Variants in DNAH3 observed in about 807,000 individuals in gnomAD.
DNAH3 encodes axonemal beta dynein heavy chain 3.
A neutral mutation model predicts 432.5 loss-of-function variants in DNAH3; 332 were observed. That is an observed-to-expected ratio of 0.77 (90% CI 0.70 to 0.84). The LOEUF is 0.84. Among genes scored for constraint, DNAH3 ranks in the 40% least tolerant of loss-of-function variants. DNAH3 has a pLI of 0.00. For synonymous variants in DNAH3, 1,956 were observed against 1,900.2 expected (o/e 1.03, Z -0.76); for missense variants, 4,861 against 5,114.0 (o/e 0.95, Z 1.51).
intron 14 of DNAH3, among the ~76,000 whole-genome samples, chr16:21,109,006 C>T (rs564285164): frequency 1.3e-5 from 2 of 151,632 alleles, no homozygotes; most frequent in African/African-American, 4.8e-5. Flanking sequence ...ACCTGTAATC[C>T]CAGCTACTCA....
chr16:20,979,579 C>T, intron 49 of DNAH3, 33 bp from the exon 50 acceptor site: 1 of 1,590,142 alleles, frequency 6.3e-7, no homozygotes, highest in Non-Finnish European at 8.6e-7. Context: ...TAGGCAGGAC[C>T]CAACATCTTC....
Position 21,145,988 on chromosome 16 carries a change from TAG to T in DNAH3, c.216_217del (p.Tyr73SerfsTer35). ...CTGGCAGCCAGGTGTGCATACCTGA[TAG>T]AGTCCAGACGGTTCCTCATTAGCAG... is the stretch of plus-strand genomic sequence containing the variant. On this transcript the variant is annotated frameshift_variant, in exon 2 of 62. Transcript: ENST00000261383. LOFTEE classifies it high-confidence loss of function. 1 of 1,607,186 alleles carries T rather than the reference TAG, an allele frequency of 6.2e-7. No individual in the cohort carries two copies.
At chr16:20,972,739 A>ATTTTTTTTTTTTTTTTTTTTTTTTT (rs34245316) in intron 51 of DNAH3, among the ~76,000 whole-genome samples, 6 of 95,974 alleles carry the variant, frequency 6.3e-5, no homozygotes, top group African/African-American at 9.3e-5. Flanking sequence ...ATGCCCCGTG[A>ATTTTTTTTTTTTTTTTTTTTTTTTT]TTTTTTTTTT....
intron 25 of DNAH3, among the ~76,000 whole-genome samples, chr16:21,061,436 C>G (rs2090356880): frequency 6.6e-6 from 1 of 151,746 alleles, no homozygotes; most frequent in Non-Finnish European, 1.5e-5. Context: ...GTTGGCCAGG[C>G]TGGTCTCAAA....
chr16:21,099,644 T>C (rs2091785833), intron 16 of DNAH3, among the ~76,000 whole-genome samples: 1 of 152,162 alleles, frequency 6.6e-6, no homozygotes, highest in African/African-American at 2.4e-5. Flanking sequence ...TTAAACTCTC[T>C]GTGCCTCGGG....
chr16:21,019,785 A>G, exon 41 of DNAH3: 1 of 1,614,158 alleles, frequency 6.2e-7, no homozygotes, highest in South Asian at 1.1e-5. Context: ...AAAGAGAAAC[A>G]GTCCTTGGAG....
intron 17 of DNAH3, among the ~76,000 whole-genome samples, chr16:21,097,796 T>A (rs1437633143): frequency 6.6e-6 from 1 of 152,210 alleles, no homozygotes; most frequent in Non-Finnish European, 1.5e-5. Context: ...TTTTCATATG[T>A]ACTTTAGCTA....
intron 40 of DNAH3, among the ~76,000 whole-genome samples, chr16:21,020,684 G>A (rs1014957815): frequency 1.5e-4 from 23 of 151,704 alleles, no homozygotes; most frequent in African/African-American, 4.1e-4. Context: ...AATTACAAGC[G>A]TGAGAGACCG....
intron 11 of DNAH3, chr16:21,120,682 G>A (rs1018121793): frequency 1.5e-5 from 20 of 1,379,062 alleles, no homozygotes; most frequent in Non-Finnish European, 2.1e-5. Context: ...TTCAAACCTG[G>A]TACAAACCAT....
chr16:20,966,014 ATTTTTTT>A lies in DNAH3; in HGVS notation c.8459-596_8459-590del, dbSNP rs555983378. On this transcript the variant is annotated intron_variant, in intron 52 of 61. Coordinates refer to ENST00000261383, the Ensembl canonical transcript of DNAH3. ...AGGCCTGAGCCACCATGCCCAGCCA[ATTTTTTT>A]TTTTTTTTTTTTTTTTTTTTTTTTT... Among the ~76,000 whole-genome samples, 122 of 48,368 alleles carry A rather than the reference ATTTTTTT, an allele frequency of 2.5e-3. 8 individuals carry two copies. The highest frequency in any genetic ancestry group is 0.019 in the East Asian group (42 of 2,190). The allele number at this position is 48,368 out of a possible 152,430, so 31.7% of individuals were successfully genotyped here.
intron 56 of DNAH3, among the ~76,000 whole-genome samples, chr16:20,949,594 T>C (rs978646767): frequency 1.3e-5 from 2 of 152,200 alleles, no homozygotes; most frequent in African/African-American, 2.4e-5. Context: ...TTGGAACATA[T>C]CCCTGGTGGA....
intron 5 of DNAH3, among the ~76,000 whole-genome samples, chr16:21,137,669 C>T (rs1233950030): frequency 2.6e-5 from 4 of 151,972 alleles, no homozygotes; most frequent in African/African-American, 9.7e-5. Flanking sequence ...GTGATCCACC[C>T]ACCTTGGCCT....
chr16:20,954,291 CTTTTT>C (rs1190060999), intron 55 of DNAH3, among the ~76,000 whole-genome samples: 1 of 127,826 alleles, frequency 7.8e-6, no homozygotes, highest in Non-Finnish European at 1.7e-5. Context: ...TACCTATAGA[CTTTTT>C]TTTTTTTTTT....
chr16:21,027,114 C>T, exon 38 of DNAH3: 1 of 1,613,532 alleles, frequency 6.2e-7, no homozygotes, highest in Non-Finnish European at 8.5e-7. Context: ...AATTTCCCCA[C>T]TCATGAGACA....
rs1174917069 is a variant in DNAH3, at chr16:21,110,029, A to G, written c.2099+1597T>C. On this transcript the variant is annotated intron_variant, in intron 14 of 61. Transcript: ENST00000261383. ...AAAGTAAACCCAATCTCATGTTGGG[A>G]CTATAGACGTCAGCCATGGCACCTG... 2.6e-5 allele frequency among the ~76,000 whole-genome samples: 4 copies of G among 152,210 alleles called. No individual in the cohort carries two copies. The East Asian group carries it at 5.8e-4, about 22-fold the overall frequency.
exon 46 of DNAH3, chr16:20,987,792 G>A: frequency 6.2e-7 from 1 of 1,614,142 alleles, no homozygotes; most frequent in Non-Finnish European, 8.5e-7. Context: ...TTGGCAAGAA[G>A]TTCTCCACTG....
intron 12 of DNAH3, among the ~76,000 whole-genome samples, chr16:21,115,151 T>C (rs955754030): frequency 4.6e-5 from 7 of 151,816 alleles, no homozygotes; most frequent in African/African-American, 1.7e-4. Flanking sequence ...CACAAAAAAC[T>C]GAACACCACA....
intron 56 of DNAH3, among the ~76,000 whole-genome samples, chr16:20,950,886 G>A (rs116146295): frequency 0.01 from 1,570 of 152,148 alleles, 26 homozygotes; most frequent in African/African-American, 0.036. Flanking sequence ...GCAGTGGTGT[G>A]ATCATAGCTC....
In DNAH3 at chr16:21,127,831, A is replaced by G. The variant is rs1169448592; in HGVS notation, c.1083-19T>C. 3 of 1,613,664 alleles carry G rather than the reference A, an allele frequency of 1.9e-6. No homozygotes were observed. The highest frequency in any genetic ancestry group is 2.5e-6 in the Non-Finnish European group (3 of 1,179,698). ...TCTGAATCTGCCAAAAGAGAGGGAG[A>G]AATTTCCTAAGCTAAAGAACGCTTA... On this transcript the variant is annotated intron_variant, in intron 7 of 61. Coordinates refer to ENST00000261383, the Ensembl canonical transcript of DNAH3.
Sources: gnomAD v4.1 joint callset for allele counts (sites outside exome capture counted in the v4.1 genomes callset) on GRCh38, gnomAD v4.1.1 for gene constraint, MANE v1.5 for transcripts, NCBI Gene and HGNC (gene_info 2026-07-23, HGNC 2026-07-21) for gene names.